Variants in FHIT observed in about 807,000 individuals in gnomAD.
FHIT encodes the protein bis(5'-adenosyl)-triphosphatase.
In FHIT, 19 loss-of-function variants were observed where a neutral mutation model predicts 17.9. That is an observed-to-expected ratio of 1.06 (90% CI 0.74 to 1.56). The LOEUF (loss-of-function observed/expected upper bound fraction) is 1.56. FHIT is among the 40% of genes most tolerant of loss of function. The probability of loss-of-function intolerance (pLI) is 0.00; values close to 1 mark genes in which losing one functional copy is unlikely to be tolerated. For synonymous variants in FHIT, 81 were observed against 69.7 expected (o/e 1.16, Z -0.81); for missense variants, 248 against 189.2 (o/e 1.31, Z -1.82).
intron 5 of FHIT, among the ~76,000 whole-genome samples, chr3:60,377,001 A>ATGTT (rs1180225095): frequency 6.6e-6 from 1 of 152,092 alleles, no homozygotes; most frequent in South Asian, 2.1e-4. Context: ...TCCATATGTA[A>ATGTT]TGTTTATCCT....
At chr3:60,748,319 A>T (rs1008028087) in intron 4 of FHIT, among the ~76,000 whole-genome samples, 11 of 152,218 alleles carry the variant, frequency 7.2e-5, no homozygotes, top group African/African-American at 2.7e-4. Flanking sequence ...AGAAAAGTTT[A>T]TTTATGTGCA....
intron 3 of FHIT, among the ~76,000 whole-genome samples, chr3:60,925,845 A>C (rs1707574298): frequency 6.6e-6 from 1 of 152,232 alleles, no homozygotes; most frequent in Non-Finnish European, 1.5e-5. Flanking sequence ...TAGGCTCAAA[A>C]TAAATGGATG....
chr3:60,939,389 C>CA lies in FHIT; in HGVS notation c.-111+102657dup, dbSNP rs1708319782. 2.6e-5 allele frequency among the ~76,000 whole-genome samples: 4 copies of CA among 152,110 alleles called. No individual in the cohort carries two copies. In the South Asian group the frequency reaches 8.3e-4, roughly 32 times the overall value. On this transcript the variant is annotated intron_variant, in intron 3 of 9. Coordinates refer to ENST00000492590, the MANE Select transcript of FHIT (RefSeq NM_002012.4). ...AGTTGAGTAGTTGTGACCATACTAC[C>CA]AAAAAACCTGCAATATTTACCCTTT... is the stretch of plus-strand genomic sequence containing the variant.
At chr3:59,993,181 T>C (rs1699362977) in intron 7 of FHIT, among the ~76,000 whole-genome samples, 1 of 152,076 alleles carries the variant, frequency 6.6e-6, no homozygotes, top group African/African-American at 2.4e-5. Flanking sequence ...GCTTTTCATC[T>C]TCAACTCACT....
intron 5 of FHIT, among the ~76,000 whole-genome samples, chr3:60,203,587 C>G (rs1334069071): frequency 6.6e-6 from 1 of 152,168 alleles, no homozygotes; most frequent in Non-Finnish European, 1.5e-5. Flanking sequence ...TCTCCAGATG[C>G]ACTGCTCTGT....
chr3:59,958,018 G>A lies in FHIT; in HGVS notation c.280-35604C>T, dbSNP rs984483645. 1.2e-4 allele frequency among the ~76,000 whole-genome samples: 19 copies of A among 152,296 alleles called. 1 individual carries two copies. In the South Asian group the frequency reaches 2.5e-3, roughly 20 times the overall value. Reference sequence around the variant, plus strand: ...AACTGTGTGGGAATGTGAGCTACATGTGTATTTTTCCACTGAAGGTGACCA... The same window carrying A: ...AACTGTGTGGGAATGTGAGCTACATATGTATTTTTCCACTGAAGGTGACCA... On this transcript the variant is annotated intron_variant, in intron 7 of 9. Coordinates refer to ENST00000492590, the MANE Select transcript of FHIT (RefSeq NM_002012.4).
At chr3:60,104,496 T>TTA (rs1446183842) in intron 5 of FHIT, among the ~76,000 whole-genome samples, 4 of 151,326 alleles carry the variant, frequency 2.6e-5, no homozygotes, top group African/African-American at 4.9e-5. Context: ...TTTTTTTTTT[T>TTA]ACAACAATCA....
intron 5 of FHIT, among the ~76,000 whole-genome samples, chr3:60,189,915 A>G (rs761387359): frequency 4.6e-5 from 7 of 152,248 alleles, no homozygotes; most frequent in African/African-American, 1.7e-4. Flanking sequence ...CCATGTATGC[A>G]TTGAACAGTT....
At chr3:60,261,453 C>T (rs1477959482) in intron 5 of FHIT, among the ~76,000 whole-genome samples, 1 of 151,918 alleles carries the variant, frequency 6.6e-6, no homozygotes, top group Non-Finnish European at 1.5e-5. Context: ...CCTGTTGATA[C>T]ATTTATTTTA....
chr3:60,286,547 TTCTC>T (rs566501968), intron 5 of FHIT, among the ~76,000 whole-genome samples: 117 of 152,276 alleles, frequency 7.7e-4, no homozygotes, highest in African/African-American at 2.7e-3. Context: ...TACCCAATCT[TTCTC>T]TCACAGTGAT....
chr3:60,758,607 T>G (rs1454443515), intron 4 of FHIT, among the ~76,000 whole-genome samples: 1 of 152,194 alleles, frequency 6.6e-6, no homozygotes, highest in Non-Finnish European at 1.5e-5. Context: ...TAAGCATTAG[T>G]GGTCATCAGT....
At chr3:60,931,253 T>C (rs549715389) in intron 3 of FHIT, among the ~76,000 whole-genome samples, 4 of 152,146 alleles carry the variant, frequency 2.6e-5, no homozygotes, top group East Asian at 1.9e-4. Flanking sequence ...TTAGGAGATA[T>C]ACCTAATGCT....
At chr3:60,127,735 G>C (rs996161367) in intron 5 of FHIT, among the ~76,000 whole-genome samples, 1 of 152,166 alleles carries the variant, frequency 6.6e-6, no homozygotes, top group African/African-American at 2.4e-5. Flanking sequence ...TGAGTAGCTA[G>C]CACTATTGGC....
At chr3:60,700,488 T>C (rs188417270) in intron 4 of FHIT, among the ~76,000 whole-genome samples, 94 of 152,310 alleles carry the variant, frequency 6.2e-4, no homozygotes, top group Non-Finnish European at 1.2e-3. Flanking sequence ...AGTATAAATA[T>C]ATTCAACAAT....
In FHIT at chr3:60,129,140, C is replaced by T. The variant is rs1187630194; in HGVS notation, c.104-114988G>A. ...CAATCTTGGCTCACTGCAACCTCCG[C>T]CTCCCGGGTTCAAACAATTCTTCTG... is the stretch of plus-strand genomic sequence containing the variant. On this transcript the variant is annotated intron_variant, in intron 5 of 9. Transcript: ENST00000492590. Among the ~76,000 whole-genome samples, 10 of 150,180 alleles carry T rather than the reference C, an allele frequency of 6.7e-5. 1 individual carries two copies. Among genetic ancestry groups the T allele is most frequent in the Admixed American group, 4.7e-4 (7 of 14,918 alleles).
At chr3:60,109,754 C>T (rs1391896521) in intron 5 of FHIT, among the ~76,000 whole-genome samples, 1 of 152,132 alleles carries the variant, frequency 6.6e-6, no homozygotes, top group Non-Finnish European at 1.5e-5. Flanking sequence ...TTAGCTTTGC[C>T]TGCTGGCTTT....
At chr3:61,221,703 C>T (rs1322643691) in intron 1 of FHIT, among the ~76,000 whole-genome samples, 2 of 152,204 alleles carry the variant, frequency 1.3e-5, no homozygotes, top group Non-Finnish European at 2.9e-5. Flanking sequence ...GTTACTGCTG[C>T]CTCCAGCCTA....
chr3:60,638,498 C>T (rs1553684514), intron 4 of FHIT, among the ~76,000 whole-genome samples: 2 of 152,110 alleles, frequency 1.3e-5, no homozygotes, highest in South Asian at 2.1e-4. Context: ...CTTTGAAGCA[C>T]ATTAGAATCA....
intron 4 of FHIT, among the ~76,000 whole-genome samples, chr3:60,817,878 A>T (rs2106749780): frequency 6.6e-6 from 1 of 152,132 alleles, no homozygotes; most frequent in East Asian, 1.9e-4. Context: ...ATTACATGTA[A>T]GCTAGACATT....
Sources: allele counts gnomAD v4.1 joint callset (sites outside exome capture counted in the v4.1 genomes callset), GRCh38; gene constraint gnomAD v4.1.1; transcripts MANE v1.5; gene names NCBI Gene and HGNC (gene_info 2026-07-23, HGNC 2026-07-21).